Variants in MT1M observed in about 807,000 individuals in gnomAD.
MT1M encodes the protein metallothionein-1M.
Under a neutral mutation model 8.5 loss-of-function variants are expected in MT1M, and 11 were observed. The observed-to-expected ratio is 1.29, with a 90% CI of 0.81 to 2.14. The LOEUF is 2.14. MT1M is among the 30% of genes most tolerant of loss of function. The probability of loss-of-function intolerance (pLI) is 0.00; values close to 1 mark genes in which losing one functional copy is unlikely to be tolerated. For missense variants in MT1M, 84 were observed against 76.6 expected (o/e 1.10, Z -0.36); for synonymous variants, 28 against 30.0 (o/e 0.93, Z 0.22).
At position 56,633,604 on chromosome 16, in the gene MT1M, G is replaced by A. The variant is rs1960319979; in HGVS notation, c.95-147G>A. On this transcript the variant is annotated intron_variant, in intron 2 of 2. Transcript: ENST00000379818. ...TTCTCTTGGGACACAAATCCCAACTGTAGCATCTATGGTTTCAGAACAGAG... is the reference window on the plus strand; with the variant it reads ...TTCTCTTGGGACACAAATCCCAACTATAGCATCTATGGTTTCAGAACAGAG... 4 of 1,599,674 alleles carry A rather than the reference G, an allele frequency of 2.5e-6. No individual in the cohort carries two copies. The South Asian group carries it at 4.4e-5, about 18-fold the overall frequency.
At chr16:56,633,619 T>C (rs1182365549) in intron 2 of MT1M, 132 bp from the exon 3 acceptor site, 2 of 1,601,080 alleles carry the variant, frequency 1.2e-6, no homozygotes, top group African/African-American at 1.3e-5. Context: ...ATCTATGGTT[T>C]CAGAACAGAG....
At chr16:56,633,630 C>T in intron 2 of MT1M, 121 bp from the exon 3 acceptor site, 1 of 1,599,610 alleles carries the variant, frequency 6.3e-7, no homozygotes, top group East Asian at 2.2e-5. Context: ...CAGAACAGAG[C>T]TGTGCCAGAC....
intron 1 of MT1M, 45 bp from the exon 2 acceptor site, chr16:56,633,292 CCTT>C: frequency 6.2e-7 from 1 of 1,613,744 alleles, no homozygotes; most frequent in African/African-American, 1.3e-5. Flanking sequence ...CATTGCTGTA[CCTT>C]CTTCATCTCA....
Position 56,633,771 on chromosome 16 carries a change from G to C in MT1M, c.115G>C (p.Val39Leu), listed in dbSNP as rs775249671. The C allele has an allele frequency of 9.9e-6, 16 of 1,614,162 alleles. No homozygotes were observed. Among genetic ancestry groups the C allele is most frequent in the African/African-American group, 1.3e-5 (1 of 75,044 alleles). ...CCCAGGCTGCTGCTCCTGCTGCCCC[G>C]TGGGCTGTGCCAAGTGTGCCCACGG... ...CKKSCCSCCP[V>L]GCAKCAHGCV... Residue 39 changes from valine to leucine, a missense_variant, in exon 3 of 3, where the codon GTG (valine) becomes CTG (leucine). Val to Leu is a conservative substitution (Grantham distance 32). Transcript: ENST00000379818.
At position 56,633,902 on chromosome 16, in the gene MT1M, T is replaced by G; in HGVS notation, c.*60T>G. ...ACAAGCTGCACAACCTGGATTTTTT[T>G]TCAATACGATACTGAGCCATTTGCT... On this transcript the variant is annotated 3_prime_UTR_variant, in exon 3 of 3. Coordinates refer to ENST00000379818, the MANE Select transcript of MT1M (RefSeq NM_176870.3). 6.4e-7 allele frequency: 1 copy of G among 1,561,874 alleles called. No homozygotes were observed. The highest frequency in any genetic ancestry group is 8.8e-7 in the Non-Finnish European group (1 of 1,135,844).
intron 2 of MT1M, 27 bp downstream of exon 2, chr16:56,633,432 C>T: frequency 6.2e-7 from 1 of 1,614,266 alleles, no homozygotes; most frequent in Non-Finnish European, 8.5e-7. Context: ...CTCCAGGAAT[C>T]TGGGGCTGTG....
In MT1M at chr16:56,633,327, C is replaced by A. The variant is rs1960314002; in HGVS notation, c.29-13C>A. 2 of 1,614,118 alleles carry A rather than the reference C, an allele frequency of 1.2e-6. No homozygotes were observed. The highest frequency in any genetic ancestry group is 2.7e-5 in the African/African-American group (2 of 74,942). ...CTCACTCACTGCCCACTGCGTTTTTCTCTTCCTTGCAGGTGTCTCCTGCGC... is the reference window on the plus strand; with the variant it reads ...CTCACTCACTGCCCACTGCGTTTTTATCTTCCTTGCAGGTGTCTCCTGCGC... On this transcript the variant is annotated splice_polypyrimidine_tract_variant and intron_variant, in intron 1 of 2. Transcript: ENST00000379818.
At chr16:56,633,651 T>G in intron 2 of MT1M, 100 bp from the exon 3 acceptor site, 1 of 1,600,916 alleles carries the variant, frequency 6.2e-7, no homozygotes, top group Non-Finnish European at 8.6e-7. Context: ...GTAAAAAGCT[T>G]CCTCTGGGTC....
At position 56,633,973 on chromosome 16, in the gene MT1M, T is replaced by C; in HGVS notation, c.*131T>C. ...TATGTGAGTGACAATAAAACAATTT[T>C]GACTTGAATCTTACTCTGTTCTTCT... On this transcript the variant is annotated 3_prime_UTR_variant, in exon 3 of 3. Transcript: ENST00000379818. The C allele has an allele frequency of 9.9e-7, 1 of 1,006,744 alleles. No individual in the cohort carries two copies. Among genetic ancestry groups the C allele is most frequent in the Non-Finnish European group, 1.5e-6 (1 of 688,002 alleles). The allele number at this position is 1,006,744 out of a possible 1,614,324, so 62.4% of individuals were successfully genotyped here. A position where few individuals can be genotyped will look rare whatever the true frequency, so the allele number is the denominator to read the frequency against.
chr16:56,633,206 G>C (rs1222325967), intron 1 of MT1M, 134 bp from the exon 2 acceptor site: 63 of 1,422,926 alleles, frequency 4.4e-5, no homozygotes, highest in Middle Eastern at 3.6e-4. Context: ...GAGAGGACAG[G>C]GGCTTTCCCT....
Position 56,633,895 on chromosome 16 carries a change from A to G in MT1M, c.*53A>G. 1 of 1,588,832 alleles carries G rather than the reference A, an allele frequency of 6.3e-7. No individual in the cohort carries two copies. Among genetic ancestry groups the G allele is most frequent in the Admixed American group, 1.7e-5 (1 of 58,628 alleles). Reference sequence around the variant, plus strand: ...TAATAGAACAAGCTGCACAACCTGGATTTTTTTTCAATACGATACTGAGCC... The same window carrying G: ...TAATAGAACAAGCTGCACAACCTGGGTTTTTTTTCAATACGATACTGAGCC... On this transcript the variant is annotated 3_prime_UTR_variant, in exon 3 of 3. Coordinates refer to ENST00000379818, the MANE Select transcript of MT1M (RefSeq NM_176870.3).
At position 56,633,483 on chromosome 16, in the gene MT1M, T is replaced by C. The variant is rs771006154; in HGVS notation, c.94+78T>C. On this transcript the variant is annotated intron_variant, in intron 2 of 2. Transcript: ENST00000379818. Reference sequence around the variant, plus strand: ...GAACCCAAGGCTGGCCCTGAGTGCATCCTTCTGGGGAACTGGGCTTTCTTT... The same window carrying C: ...GAACCCAAGGCTGGCCCTGAGTGCACCCTTCTGGGGAACTGGGCTTTCTTT... 3.7e-6 allele frequency: 6 copies of C among 1,613,940 alleles called. No individual in the cohort carries two copies. In the East Asian group the frequency reaches 1.1e-4, roughly 30 times the overall value.
In MT1M at chr16:56,633,259, G is replaced by A. The variant is rs1960312901; in HGVS notation, c.29-81G>A. On this transcript the variant is annotated intron_variant, in intron 1 of 2. Coordinates refer to ENST00000379818, the MANE Select transcript of MT1M (RefSeq NM_176870.3). Reference sequence around the variant, plus strand: ...TGAGGGCTGGCCCTGCACAAAGGAGGGGGCACTGGAGACTCATTGACCCAT... The same window carrying A: ...TGAGGGCTGGCCCTGCACAAAGGAGAGGGCACTGGAGACTCATTGACCCAT... 7 of 1,590,164 alleles carry A rather than the reference G, an allele frequency of 4.4e-6. No individual in the cohort carries two copies. The South Asian group carries it at 7.8e-5, about 18-fold the overall frequency.
rs528226837 is a variant in MT1M, at chr16:56,633,896, T to A, written c.*54T>A. The stretch of plus-strand genomic sequence containing the variant: ...AATAGAACAAGCTGCACAACCTGGA[T>A]TTTTTTTCAATACGATACTGAGCCA... On this transcript the variant is annotated 3_prime_UTR_variant, in exon 3 of 3. Transcript: ENST00000379818. 3.3e-5 allele frequency: 53 copies of A among 1,585,546 alleles called. No individual in the cohort carries two copies. The African/African-American group carries it at 6.5e-4, about 19-fold the overall frequency.
Position 56,633,904 on chromosome 16 carries a change from C to T in MT1M, c.*62C>T. 1.9e-6 allele frequency: 3 copies of T among 1,539,950 alleles called. No individual in the cohort carries two copies. Among genetic ancestry groups the T allele is most frequent in the South Asian group, 1.1e-5 (1 of 88,284 alleles). On this transcript the variant is annotated 3_prime_UTR_variant, in exon 3 of 3. Coordinates refer to ENST00000379818, the MANE Select transcript of MT1M (RefSeq NM_176870.3). ...AAGCTGCACAACCTGGATTTTTTTT[C>T]AATACGATACTGAGCCATTTGCTGC...
At chr16:56,632,803 C>A (rs1272736198) in intron 1 of MT1M, 44 bp downstream of exon 1, 1 of 1,612,316 alleles carries the variant, frequency 6.2e-7, no homozygotes, top group African/African-American at 1.3e-5. Context: ...CATTTCCCAG[C>A]CCCAGTACTG....
In MT1M at chr16:56,633,796, G is replaced by T. The variant is rs1203577952; in HGVS notation, c.140G>T (p.Gly47Val). Residue 47 changes from glycine to valine, a missense_variant, in exon 3 of 3, where the codon GGC becomes GTC. Gly to Val is a moderately radical substitution (Grantham distance 109). Coordinates refer to ENST00000379818, the MANE Select transcript of MT1M (RefSeq NM_176870.3). ...CPVGCAKCAH[G>V]CVCKGTLENC... ...GTGGGCTGTGCCAAGTGTGCCCACG[G>T]CTGTGTCTGCAAAGGGACGTTGGAG... 6.2e-7 allele frequency: 1 copy of T among 1,614,194 alleles called. No individual in the cohort carries two copies. The highest frequency in any genetic ancestry group is 2.2e-5 in the East Asian group (1 of 44,878).
chr16:56,633,775 G>A lies in MT1M; in HGVS notation c.119G>A (p.Gly40Asp), dbSNP rs773745908. The A allele has an allele frequency of 1.9e-6, 3 of 1,614,186 alleles. No homozygotes were observed. The highest frequency in any genetic ancestry group is 1.7e-5 in the Admixed American group (1 of 60,036). The change falls in exon 3 of 3, where the codon GGC becomes GAC. Residue 40 changes from glycine to aspartate, a missense_variant. Physicochemically the swap from Gly to Asp is moderately conservative, Grantham distance 94. Coordinates refer to ENST00000379818, the MANE Select transcript of MT1M (RefSeq NM_176870.3). The part of the protein sequence containing the change: ...KKSCCSCCPV[G>D]CAKCAHGCVC... ...GGCTGCTGCTCCTGCTGCCCCGTGGGCTGTGCCAAGTGTGCCCACGGCTGT... is the reference window on the plus strand; with the variant it reads ...GGCTGCTGCTCCTGCTGCCCCGTGGACTGTGCCAAGTGTGCCCACGGCTGT...
chr16:56,633,679 C>T, intron 2 of MT1M, 72 bp from the exon 3 acceptor site: 1 of 1,604,500 alleles, frequency 6.2e-7, no homozygotes, highest in East Asian at 2.2e-5. Flanking sequence ...TGAGCTCCAG[C>T]CAGGCTTGCT....
Sources: gnomAD v4.1 joint callset for allele counts on GRCh38, gnomAD v4.1.1 for gene constraint, MANE v1.5 for transcripts, NCBI Gene and HGNC (gene_info 2026-07-23, HGNC 2026-07-21) for gene names.